PFKFB3: variants seen among roughly 807,000 people sequenced by gnomAD.
PFKFB3 encodes the protein 6-phosphofructo-2-kinase/fructose-2,6-bisphosphatase 3.
Under a neutral mutation model 68.0 loss-of-function variants are expected in PFKFB3, and 33 were observed. The ratio of observed to expected loss-of-function variants is 0.49; its 90% CI spans 0.37 to 0.65. PFKFB3 has a LOEUF of 0.65. Ranked by LOEUF, PFKFB3 falls within the 30% of genes least tolerant of loss-of-function variation. The probability of loss-of-function intolerance (pLI) is 0.00; values close to 1 mark genes in which losing one functional copy is unlikely to be tolerated. For synonymous variants in PFKFB3, 315 were observed against 288.2 expected (o/e 1.09, Z -0.94); for missense variants, 586 against 712.2 (o/e 0.82, Z 2.02).
the PFKFB3 span, among the ~76,000 whole-genome samples, chr10:6,309,868 CT>C: frequency 1.3e-5 from 2 of 152,156 alleles, no homozygotes; most frequent in African/African-American, 4.8e-5. Flanking sequence ...AAATGTTTCA[CT>C]TTCCTGAATA....
chr10:6,156,477 T>TTTAAA (rs1476613660), intron 1 of PFKFB3, among the ~76,000 whole-genome samples: 1 of 142,288 alleles, frequency 7.0e-6, no homozygotes, highest in East Asian at 2.3e-4. Context: ...GCAAATTCAC[T>TTTAAA]TTAAATTAAA....
At chr10:6,199,948 C>A (rs1843281057), upstream of PFKFB3, among the ~76,000 whole-genome samples, 1 of 151,856 alleles carries the variant, frequency 6.6e-6, no homozygotes, top group Admixed American at 6.6e-5. Context: ...CACTCAGCAC[C>A]CTGGGGTTAG....
chr10:6,173,392 A>G (rs987926364), intron 1 of PFKFB3, among the ~76,000 whole-genome samples: 1 of 152,104 alleles, frequency 6.6e-6, no homozygotes, highest in Non-Finnish European at 1.5e-5. Context: ...TGCAGCTTTT[A>G]TGTGTCCTGT....
downstream of PFKFB3, among the ~76,000 whole-genome samples, chr10:6,254,808 C>CTTTTTTTTTTTTTTTTTTTTTTTTTTTTT: frequency 1.6e-5 from 1 of 61,622 alleles, no homozygotes; most frequent in Non-Finnish European, 2.7e-5. Context: ...TTTTTCTGTT[C>CTTTTTTTTTTTTTTTTTTTTTTTTTTTTT]TTTTTTTTTT....
chr10:6,231,551 T>G lies in PFKFB3; in HGVS notation c.1516-1344T>G. On this transcript the variant is annotated intron_variant, in intron 14 of 14. Transcript: ENST00000379775. ...CGGTCTTGCAGGCTCTCCACTGTTA[T>G]TGTTGCATCGCCATCACCTGTGGGT... 3 of 985,378 alleles carry G rather than the reference T, an allele frequency of 3.0e-6. No homozygotes were observed. In the African/African-American group the frequency reaches 5.2e-5, roughly 17 times the overall value. The allele number at this position is 985,378 out of a possible 1,614,324, so 61.0% of individuals were successfully genotyped here.
the PFKFB3 span, among the ~76,000 whole-genome samples, chr10:6,321,013 A>G: frequency 9.9e-5 from 15 of 152,178 alleles, no homozygotes. Context: ...ATGCCTTTTT[A>G]CCCTGCAGTG....
At position 6,214,131 on chromosome 10, in the gene PFKFB3, C is replaced by T. The variant is rs543635064; in HGVS notation, c.202+383C>T. Among the ~76,000 whole-genome samples, 18 of 152,332 alleles carry T rather than the reference C, an allele frequency of 1.2e-4. No individual in the cohort carries two copies. In the South Asian group the frequency reaches 3.3e-3, roughly 28 times the overall value. On this transcript the variant is annotated intron_variant, in intron 2 of 14. Transcript: ENST00000379775. ...GGGTCTTCAACCCCCAGGCTGTGGA[C>T]TGCTATGTTGGGTGGCCTGTTAGGA... is the stretch of plus-strand genomic sequence containing the variant.
chr10:6,208,971 G>A (rs749080244), intron 1 of PFKFB3, among the ~76,000 whole-genome samples: 61 of 152,164 alleles, frequency 4.0e-4, no homozygotes, highest in Non-Finnish European at 7.9e-4. Context: ...ATGGTACTGC[G>A]GGCTTGTAGA....
chr10:6,277,165 G>A, the PFKFB3 span, among the ~76,000 whole-genome samples: 1 of 151,966 alleles, frequency 6.6e-6, no homozygotes, highest in East Asian at 1.9e-4. Context: ...TGCAGGTGGG[G>A]CCTGGTAGAA....
chr10:6,214,745 A>G (rs1844449763), intron 2 of PFKFB3, among the ~76,000 whole-genome samples: 1 of 152,210 alleles, frequency 6.6e-6, no homozygotes, highest in South Asian at 2.1e-4. Context: ...CTCAGTGCCC[A>G]GGAACCATGG....
rs2794981 is a variant in PFKFB3, at chr10:6,215,599, C to T, written c.299+282C>T. ...GAACAAGGTTGCTGCTCTCATCTGTCCCCTGAGGGTCTCGCTGAGCTGACC... is the reference window on the plus strand; with the variant it reads ...GAACAAGGTTGCTGCTCTCATCTGTTCCCTGAGGGTCTCGCTGAGCTGACC... On this transcript the variant is annotated intron_variant, in intron 3 of 14. Coordinates refer to ENST00000379775, the MANE Select transcript of PFKFB3 (RefSeq NM_004566.4). This position sits in a 1 kb window ranked among gnomAD's most constrained non-coding sequence, Gnocchi z 4.3. Among the ~76,000 whole-genome samples the T allele has an allele frequency of 0.31, 47,022 of 152,048 alleles. 7,578 individuals carry two copies. The highest frequency in any genetic ancestry group is 0.4 in the African/African-American group (16,418 of 41,448).
intron 11 of PFKFB3, among the ~76,000 whole-genome samples, chr10:6,223,463 T>C (rs556328615): frequency 6.6e-6 from 1 of 152,122 alleles, no homozygotes; most frequent in Admixed American, 6.5e-5. Flanking sequence ...AGTCTTTTGG[T>C]TTGGTTTGAT....
chr10:6,267,650 A>G, the PFKFB3 span, among the ~76,000 whole-genome samples: 2 of 152,012 alleles, frequency 1.3e-5, no homozygotes, highest in Admixed American at 1.3e-4. Context: ...CTTCTCAAAC[A>G]TCAGTTCAAA....
intron 1 of PFKFB3, among the ~76,000 whole-genome samples, chr10:6,171,875 C>G (rs1317273849): frequency 2.0e-5 from 3 of 152,242 alleles, no homozygotes; most frequent in African/African-American, 7.2e-5. Context: ...CCGCGCTTCT[C>G]AAGCTCAAAT....
At chr10:6,151,470 C>G (rs1841584902) in intron 1 of PFKFB3, among the ~76,000 whole-genome samples, 1 of 152,210 alleles carries the variant, frequency 6.6e-6, no homozygotes, top group African/African-American at 2.4e-5. Flanking sequence ...TTCCCAGAGG[C>G]TGTGGCCCCT....
At chr10:6,209,765 CTTT>C (rs56822740) in intron 1 of PFKFB3, among the ~76,000 whole-genome samples, 2 of 121,266 alleles carry the variant, frequency 1.6e-5, no homozygotes. Context: ...CTTACCTTTT[CTTT>C]TTTTTTTTTT....
chr10:6,151,310 G>T (rs1481815838), intron 1 of PFKFB3, among the ~76,000 whole-genome samples: 1 of 151,632 alleles, frequency 6.6e-6, no homozygotes, highest in African/African-American at 2.4e-5. Context: ...TGGCACTTCC[G>T]CAAGCAGCCT....
At chr10:6,245,211 C>T (rs1846227878) in intron 14 of PFKFB3, among the ~76,000 whole-genome samples, 1 of 152,034 alleles carries the variant, frequency 6.6e-6, no homozygotes, top group Non-Finnish European at 1.5e-5. Context: ...ATTCTCCTTC[C>T]TCAGCCTCCC....
At chr10:6,300,587 C>T in the PFKFB3 span, among the ~76,000 whole-genome samples, 2 of 152,300 alleles carry the variant, frequency 1.3e-5, no homozygotes, top group South Asian at 2.1e-4. Flanking sequence ...TGCTCCGAAA[C>T]GGGAACAGCT....
Sources: allele counts gnomAD v4.1 joint callset (sites outside exome capture counted in the v4.1 genomes callset), GRCh38; gene constraint gnomAD v4.1.1; non-coding constraint Gnocchi (gnomAD v3.1); transcripts MANE v1.5; gene names NCBI Gene and HGNC (gene_info 2026-07-23, HGNC 2026-07-21).